The following EFCAB11 variants were observed in gnomAD, a reference collection of about 807,000 sequenced individuals.
EFCAB11 encodes EF-hand calcium-binding domain-containing protein 11.
EFCAB11 carries 14 observed loss-of-function variants against 23.0 expected under a neutral mutation model. The observed-to-expected ratio is 0.61, with a 90% confidence interval of 0.40 to 0.95. EFCAB11 has a LOEUF of 0.95. Ranked by LOEUF, EFCAB11 falls within the 40% of genes least tolerant of loss-of-function variation. The pLI is 0.00. For missense variants in EFCAB11, 198 were observed against 195.8 expected (o/e 1.01, Z -0.07); for synonymous variants, 65 against 66.6 (o/e 0.98, Z 0.11).
intron 5 of EFCAB11, among the ~76,000 whole-genome samples, chr14:89,798,943 C>A (rs940605962): frequency 6.6e-6 from 1 of 152,078 alleles, no homozygotes; most frequent in East Asian, 1.9e-4. Flanking sequence ...CCCAGTACCA[C>A]GCCTGGCTAA....
intron 5 of EFCAB11, among the ~76,000 whole-genome samples, chr14:89,847,511 G>A (rs1045369494): frequency 6.6e-6 from 1 of 152,002 alleles, no homozygotes; most frequent in Admixed American, 6.5e-5. Context: ...AGGCAGAGGC[G>A]GGCGGATCAC....
At chr14:89,868,261 C>G (rs1000975741) in intron 5 of EFCAB11, among the ~76,000 whole-genome samples, 11 of 152,140 alleles carry the variant, frequency 7.2e-5, no homozygotes, top group African/African-American at 2.7e-4. Flanking sequence ...CTGGCAAGAC[C>G]AGTAGGACTA....
At chr14:89,896,377 G>A (rs1889161154) in intron 5 of EFCAB11, among the ~76,000 whole-genome samples, 2 of 151,590 alleles carry the variant, frequency 1.3e-5, no homozygotes, top group South Asian at 2.1e-4. Flanking sequence ...GTGGCAGAGC[G>A]AGACTCTGTC....
intron 1 of EFCAB11, 134 bp from the exon 2 acceptor site, chr14:89,954,135 C>A: frequency 1.1e-6 from 1 of 902,000 alleles, no homozygotes. Context: ...ATTTCATTAT[C>A]CCAATATTAA....
At chr14:89,938,896 G>A (rs1234722432) in intron 3 of EFCAB11, among the ~76,000 whole-genome samples, 8 of 147,646 alleles carry the variant, frequency 5.4e-5, no homozygotes, top group Non-Finnish European at 1.0e-4. Context: ...CCAAGACCGC[G>A]CCACTGCACT....
intron 5 of EFCAB11, among the ~76,000 whole-genome samples, chr14:89,879,829 C>T (rs572203450): frequency 2.0e-5 from 3 of 152,244 alleles, no homozygotes; most frequent in Admixed American, 1.3e-4. Context: ...CCTTATAAGC[C>T]TGCATTTTCT....
At chr14:89,817,407 G>A (rs1435893567) in intron 5 of EFCAB11, among the ~76,000 whole-genome samples, 1 of 152,132 alleles carries the variant, frequency 6.6e-6, no homozygotes, top group Non-Finnish European at 1.5e-5. Flanking sequence ...TGTAGTCCTA[G>A]CTATTCAGAA....
At chr14:89,865,630 T>C (rs112226222) in intron 5 of EFCAB11, among the ~76,000 whole-genome samples, 8,010 of 151,198 alleles carry the variant, frequency 0.053, 358 homozygotes, top group African/African-American at 0.11. Context: ...GCCTCCAGAG[T>C]AGCTGGAACT....
chr14:89,802,142 T>G (rs1211556322), intron 5 of EFCAB11, among the ~76,000 whole-genome samples: 1 of 150,238 alleles, frequency 6.7e-6, no homozygotes, highest in Non-Finnish European at 1.5e-5. Flanking sequence ...TATTCAGGAG[T>G]ACCCCATGTC....
intron 5 of EFCAB11, among the ~76,000 whole-genome samples, chr14:89,821,485 T>G (rs1158340053): frequency 1.3e-5 from 2 of 152,126 alleles, no homozygotes; most frequent in African/African-American, 4.8e-5. Context: ...CTTATAAAAC[T>G]CAGGCAAATC....
chr14:89,880,743 T>G (rs1215738919), intron 5 of EFCAB11, among the ~76,000 whole-genome samples: 1 of 152,178 alleles, frequency 6.6e-6, no homozygotes, highest in Non-Finnish European at 1.5e-5. Flanking sequence ...AGAGCGGACT[T>G]TGGGGTTAGT....
In EFCAB11 at chr14:89,943,240, C is replaced by G. The variant is rs1890853648; in HGVS notation, c.217+6857G>C. ...TCCCAGGAGGCCAAGGCCAGCATTTCAGACCTGTTTTTTTTTTTTTTTTGA... is the reference window on the plus strand; with the variant it reads ...TCCCAGGAGGCCAAGGCCAGCATTTGAGACCTGTTTTTTTTTTTTTTTTGA... On this transcript the variant is annotated intron_variant, in intron 3 of 5. Coordinates refer to ENST00000316738, the MANE Select transcript of EFCAB11 (RefSeq NM_145231.4). Among the ~76,000 whole-genome samples, 4 of 151,248 alleles carry G rather than the reference C, an allele frequency of 2.6e-5. No individual in the cohort carries two copies. In the South Asian group the frequency reaches 8.4e-4, roughly 32 times the overall value.
chr14:89,802,199 A>T (rs2140076426), intron 5 of EFCAB11, among the ~76,000 whole-genome samples: 1 of 92,336 alleles, frequency 1.1e-5, no homozygotes, highest in African/African-American at 4.8e-5. Context: ...GCTTTTACCC[A>T]AGTTACTTAA....
intron 3 of EFCAB11, among the ~76,000 whole-genome samples, chr14:89,942,538 G>A (rs1039784263): frequency 6.6e-6 from 1 of 152,100 alleles, no homozygotes; most frequent in Non-Finnish European, 1.5e-5. Context: ...GTTATGAAGT[G>A]CATCACAGAG....
intron 5 of EFCAB11, among the ~76,000 whole-genome samples, chr14:89,885,452 G>C (rs1279250764): frequency 6.6e-6 from 1 of 152,170 alleles, no homozygotes; most frequent in African/African-American, 2.4e-5. Context: ...TCTGAGGCAG[G>C]TGGATTACGA....
At chr14:89,895,198 T>C (rs760508073) in intron 5 of EFCAB11, among the ~76,000 whole-genome samples, 5 of 152,172 alleles carry the variant, frequency 3.3e-5, no homozygotes, top group Non-Finnish European at 7.4e-5. Context: ...GTGACAGCAG[T>C]GTGATGGTTC....
chr14:89,920,708 T>C (rs1351134754), intron 5 of EFCAB11, among the ~76,000 whole-genome samples: 1 of 152,160 alleles, frequency 6.6e-6, no homozygotes, highest in Non-Finnish European at 1.5e-5. Context: ...TATGTCAATA[T>C]GGCAAGTGTT....
intron 3 of EFCAB11, among the ~76,000 whole-genome samples, chr14:89,939,160 A>G (rs992928182): frequency 6.6e-6 from 1 of 152,082 alleles, no homozygotes; most frequent in African/African-American, 2.4e-5. Context: ...TTAAAGCTTC[A>G]TCCTTCCTTC....
intron 5 of EFCAB11, among the ~76,000 whole-genome samples, chr14:89,835,406 T>C (rs142292069): frequency 6.6e-6 from 1 of 152,224 alleles, no homozygotes; most frequent in East Asian, 1.9e-4. Context: ...TATAAACATA[T>C]GTATAGCCTG....
Sources: gnomAD v4.1 joint callset for allele counts (sites outside exome capture counted in the v4.1 genomes callset) on GRCh38, gnomAD v4.1.1 for gene constraint, MANE v1.5 for transcripts, NCBI Gene and HGNC (gene_info 2026-07-23, HGNC 2026-07-21) for gene names.